Variants in PRH1 observed in about 807,000 individuals in gnomAD.
PRH1 encodes salivary acidic proline-rich phosphoprotein 1/2.
PRH1 carries 7 observed loss-of-function variants against 7.9 expected under a neutral mutation model. That is an observed-to-expected ratio of 0.89 (90% confidence interval 0.50 to 1.67). The LOEUF (loss-of-function observed/expected upper bound fraction) is 1.67, where lower values mean the gene tolerates loss of function less well. Ranked by LOEUF, PRH1 falls within the 40% of genes most tolerant of loss-of-function variation. The pLI, the probability that PRH1 is intolerant of heterozygous loss-of-function variation, is 0.00. For synonymous variants in PRH1, 45 were observed against 80.8 expected, an observed-to-expected ratio of 0.56 and a Z score of 2.38; for missense variants, 109 against 223.6, an observed-to-expected ratio of 0.49 and a Z score of 3.27.
chr12:10,931,819 GT>G (rs1048990647), intron 2 of PRH1, among the ~76,000 whole-genome samples: 32 of 145,098 alleles, frequency 2.2e-4, no homozygotes, highest in African/African-American at 4.3e-4. Context: ...TTATTGGTTA[GT>G]TTTTTTTTTT....
At chr12:11,042,925 G>A (rs917265032) in intron 1 of PRH1, among the ~76,000 whole-genome samples, 4 of 152,050 alleles carry the variant, frequency 2.6e-5, no homozygotes, top group Admixed American at 6.5e-5. Context: ...CACCAGGCCC[G>A]GCCCAGGCTT....
At chr12:10,906,747 G>A (rs1949810177) in intron 2 of PRH1, among the ~76,000 whole-genome samples, 2 of 152,114 alleles carry the variant, frequency 1.3e-5, no homozygotes, top group African/African-American at 4.8e-5. Context: ...ATTATTGTGA[G>A]GCCTTTCCAG....
intron 1 of PRH1, among the ~76,000 whole-genome samples, chr12:11,145,319 A>T (rs1210115746): frequency 6.6e-6 from 1 of 152,046 alleles, no homozygotes; most frequent in Non-Finnish European, 1.5e-5. Context: ...CAGCCTCCTG[A>T]GTGTCTGGGA....
intron 1 of PRH1, 49 bp downstream of exon 1, chr12:10,884,105 C>G (rs1431528077): frequency 6.2e-7 from 1 of 1,611,312 alleles, no homozygotes; most frequent in Non-Finnish European, 8.5e-7. Context: ...ATAGCATTTG[C>G]CTGTAAACCC....
At chr12:10,998,415 T>G (rs1243058562) in intron 1 of PRH1, among the ~76,000 whole-genome samples, 1 of 152,080 alleles carries the variant, frequency 6.6e-6, no homozygotes, top group Non-Finnish European at 1.5e-5. Flanking sequence ...AATCTAAACT[T>G]TTTATCAAAA....
At chr12:11,022,266 G>A (rs1941688946) in intron 1 of PRH1, 1 of 1,614,202 alleles carries the variant, frequency 6.2e-7, no homozygotes, top group African/African-American at 1.3e-5. Flanking sequence ...AAAATATGCT[G>A]AGGCTAGCAG....
At position 10,981,365 on chromosome 12, in the gene PRH1, ATTTTTTTTT is replaced by A. The variant is rs528019045; in HGVS notation, c.-125-7653_-125-7645del. ...TACGGTGGCAAATTTTTACTTCTGG[ATTTTTTTTT>A]TTTTTTTTTTTTTTTTTGAGGTGGA... is the stretch of plus-strand genomic sequence containing the variant. On this transcript the variant is annotated intron_variant, in intron 1 of 3. Transcript: ENST00000539853. Among the ~76,000 whole-genome samples, 515 of 111,590 alleles carry A rather than the reference ATTTTTTTTT, an allele frequency of 4.6e-3. 3 individuals are homozygous for A. The highest frequency in any genetic ancestry group is 0.013 in the African/African-American group (388 of 29,388). The allele number at this position is 111,590 out of a possible 152,430, so 73.2% of individuals were successfully genotyped here.
At chr12:10,890,989 T>C (rs1949565462) in intron 2 of PRH1, among the ~76,000 whole-genome samples, 1 of 151,966 alleles carries the variant, frequency 6.6e-6, no homozygotes, top group Non-Finnish European at 1.5e-5. Context: ...TTTGTGCACA[T>C]ATATCCAACA....
intron 1 of PRH1, among the ~76,000 whole-genome samples, chr12:11,070,309 T>A: frequency 6.6e-6 from 1 of 152,260 alleles, no homozygotes; most frequent in East Asian, 1.9e-4. Context: ...GAAGAATGCC[T>A]CAGGCAAGCA....
chr12:11,119,310 G>A (rs1372700372), downstream of PRH1, among the ~76,000 whole-genome samples: 1 of 63,270 alleles, frequency 1.6e-5, no homozygotes, highest in Non-Finnish European at 3.9e-5. Flanking sequence ...GCTGGTTAAT[G>A]GCTACCAAAA....
intron 1 of PRH1, among the ~76,000 whole-genome samples, chr12:11,127,950 C>CA (rs1946190721): frequency 6.6e-6 from 1 of 151,848 alleles, no homozygotes; most frequent in Non-Finnish European, 1.5e-5. Flanking sequence ...ACTAAAAATA[C>CA]AAAACCAAAG....
At chr12:10,974,586 C>T (rs1196830284) in intron 1 of PRH1, among the ~76,000 whole-genome samples, 8 of 151,820 alleles carry the variant, frequency 5.3e-5, no homozygotes, top group Non-Finnish European at 7.4e-5. Flanking sequence ...CACCTTATTC[C>T]GAAATCAAAC....
intron 1 of PRH1, chr12:11,133,991 T>C (rs767409468): frequency 1.9e-6 from 3 of 1,613,972 alleles, no homozygotes; most frequent in East Asian, 4.5e-5. Flanking sequence ...CCAGACATTA[T>C]AAGCAGTAAT....
chr12:11,097,001 T>C (rs1945087900), intron 1 of PRH1, among the ~76,000 whole-genome samples: 1 of 114,614 alleles, frequency 8.7e-6, no homozygotes, highest in Admixed American at 8.8e-5. Context: ...GGTTTCACCG[T>C]GTTCCCCAGT....
chr12:10,938,043 G>A (rs1453406803), intron 2 of PRH1: 4 of 438,486 alleles, frequency 9.1e-6, no homozygotes, highest in African/African-American at 4.1e-5. Context: ...TTATCTGTTT[G>A]TATAAGAACT....
In PRH1 at chr12:11,089,682, A is replaced by G. The variant is rs1944815055; in HGVS notation, n.124-42494T>C. Among the ~76,000 whole-genome samples, 2 of 119,740 alleles carry G rather than the reference A, an allele frequency of 1.7e-5. 1 individual carries two copies. The highest frequency in any genetic ancestry group is 4.0e-5 in the Non-Finnish European group (2 of 50,008). The allele number at this position is 119,740 out of a possible 152,430, so 78.6% of individuals were successfully genotyped here. The stretch of plus-strand genomic sequence containing the variant: ...GTTACTAACTCAATTTTTTGAAATG[A>G]AATGCCATTTTATTTAAATAGTCAA... On this transcript the variant is annotated intron_variant and non_coding_transcript_variant, in intron 1 of 4. Coordinates refer to the PRH1 transcript ENST00000541977.
intron 1 of PRH1, chr12:11,171,242 T>G (rs1947832455): frequency 3.4e-5 from 22 of 645,936 alleles, no homozygotes; most frequent in Non-Finnish European, 4.9e-5. Flanking sequence ...AGCTTGGGTG[T>G]GAGCCCGGGA....
At chr12:11,006,543 T>A (rs1336977789) in intron 1 of PRH1, among the ~76,000 whole-genome samples, 1 of 151,886 alleles carries the variant, frequency 6.6e-6, no homozygotes, top group Non-Finnish European at 1.5e-5. Flanking sequence ...CCACCAAGCC[T>A]GCTAATTTTA....
intron 1 of PRH1, among the ~76,000 whole-genome samples, chr12:11,044,368 T>A (rs1942833107): frequency 1.3e-5 from 2 of 152,066 alleles, no homozygotes; most frequent in African/African-American, 4.8e-5. Context: ...CCCAGGACAT[T>A]GGTTTGAGCA....
Sources: gnomAD v4.1 joint callset for allele counts (sites outside exome capture counted in the v4.1 genomes callset) on GRCh38, gnomAD v4.1.1 for gene constraint, MANE v1.5 for transcripts, NCBI Gene and HGNC (gene_info 2026-07-23, HGNC 2026-07-21) for gene names.